The following THSD4 variants were observed in gnomAD, a reference collection of about 807,000 sequenced individuals.
THSD4 encodes the protein thrombospondin type-1 domain-containing protein 4.
THSD4 carries 69 observed loss-of-function variants against 119.0 expected under a neutral mutation model. The ratio of observed to expected loss-of-function variants is 0.58; its 90% CI spans 0.48 to 0.71. The LOEUF is 0.71. Among genes scored for constraint, THSD4 ranks in the 30% least tolerant of loss-of-function variants. The pLI is 0.00. For synonymous variants in THSD4, 524 were observed against 540.4 expected, an observed-to-expected ratio of 0.97 and a Z score of 0.42; for missense variants, 1,393 against 1,391.1, an observed-to-expected ratio of 1.00 and a Z score of -0.02.
chr15:71,616,638 C>A (rs537286688), intron 7 of THSD4, among the ~76,000 whole-genome samples: 38 of 152,266 alleles, frequency 2.5e-4, no homozygotes, highest in Admixed American at 2.2e-3. Flanking sequence ...TAGTAAGGGG[C>A]CTGAATTCAA....
intron 6 of THSD4, among the ~76,000 whole-genome samples, chr15:71,379,959 G>A (rs2046206735): frequency 6.6e-6 from 1 of 152,064 alleles, no homozygotes. Flanking sequence ...ACACAAAAAG[G>A]GGAGTGAGAT....
chr15:71,661,402 T>A (rs1375681994), intron 8 of THSD4, among the ~76,000 whole-genome samples: 7 of 111,858 alleles, frequency 6.3e-5, no homozygotes, highest in African/African-American at 3.6e-5. Flanking sequence ...TATTTATTTA[T>A]TTTTTTTTTT....
intron 1 of THSD4, among the ~76,000 whole-genome samples, chr15:71,124,246 A>G (rs774663386): frequency 4.0e-4 from 61 of 152,350 alleles, no homozygotes; most frequent in Non-Finnish European, 8.1e-4. Flanking sequence ...GCCATAGACA[A>G]TAGATAAATG....
At chr15:71,196,970 C>T (rs1475580984) in intron 3 of THSD4, among the ~76,000 whole-genome samples, 3 of 152,174 alleles carry the variant, frequency 2.0e-5, no homozygotes, top group Non-Finnish European at 4.4e-5. Flanking sequence ...GGTGGAAGGA[C>T]TCATTCAACC....
chr15:71,216,922 G>A (rs965044679), intron 4 of THSD4, among the ~76,000 whole-genome samples: 3 of 152,170 alleles, frequency 2.0e-5, no homozygotes, highest in Admixed American at 6.5e-5. Flanking sequence ...TCAGCCTCCC[G>A]AGCAGCTGGG....
At chr15:71,625,953 A>T (rs2050501201) in intron 7 of THSD4, among the ~76,000 whole-genome samples, 1 of 152,210 alleles carries the variant, frequency 6.6e-6, no homozygotes, top group South Asian at 2.1e-4. Flanking sequence ...GGTAAATCAA[A>T]TATGGTTTTG....
rs191009409 is a variant in THSD4, at chr15:71,706,853, G to C, written c.1358-21696G>C. Among the ~76,000 whole-genome samples the C allele has an allele frequency of 7.2e-5, 11 of 152,284 alleles. No individual in the cohort carries two copies. The East Asian group carries it at 1.9e-3, about 27-fold the overall frequency. On this transcript the variant is annotated intron_variant, in intron 8 of 17. Transcript: ENST00000261862. ...GTTTGACACTGAAGAGGAGGAGGAG[G>C]ATTAAGGGGTGCCAGAACTGAGGCA...
intron 6 of THSD4, among the ~76,000 whole-genome samples, chr15:71,325,383 A>G (rs1045604547): frequency 6.6e-6 from 1 of 152,144 alleles, no homozygotes; most frequent in Admixed American, 6.5e-5. Context: ...CCCAGTGCCA[A>G]CCAGTCCTGA....
At chr15:71,384,523 G>T (rs929786385) in intron 6 of THSD4, among the ~76,000 whole-genome samples, 1 of 152,188 alleles carries the variant, frequency 6.6e-6, no homozygotes, top group Admixed American at 6.5e-5. Flanking sequence ...TCTGGATGAG[G>T]TAAGTAGCTA....
chr15:71,608,241 T>A lies in THSD4; in HGVS notation c.1153-52289T>A, dbSNP rs1228505528. Among the ~76,000 whole-genome samples, 209 of 80,280 alleles carry A rather than the reference T, an allele frequency of 2.6e-3. 3 individuals carry two copies. Among genetic ancestry groups the A allele is most frequent in the African/African-American group, 6.1e-3 (157 of 25,870 alleles). The allele number at this position is 80,280 out of a possible 152,430, so 52.7% of individuals were successfully genotyped here. A position where few individuals can be genotyped will look rare whatever the true frequency, so the allele number is the denominator to read the frequency against. ...CTGTCTCAAAAAAAAAAAAAAAATATATATATATACACACACACACACACA... is the reference window on the plus strand; with the variant it reads ...CTGTCTCAAAAAAAAAAAAAAAATAAATATATATACACACACACACACACA... On this transcript the variant is annotated intron_variant, in intron 7 of 17. Coordinates refer to ENST00000261862, the MANE Select transcript of THSD4 (RefSeq NM_024817.3).
intron 7 of THSD4, among the ~76,000 whole-genome samples, chr15:71,625,789 C>G (rs1264746626): frequency 6.6e-6 from 1 of 152,136 alleles, no homozygotes; most frequent in Non-Finnish European, 1.5e-5. Context: ...TCAGGGAGCT[C>G]ACAATTCCAG....
chr15:71,144,891 A>C (rs1239266357), intron 2 of THSD4, among the ~76,000 whole-genome samples: 1 of 152,230 alleles, frequency 6.6e-6, no homozygotes, highest in African/African-American at 2.4e-5. Flanking sequence ...CATGTGGACC[A>C]AAGTGTAGGC....
rs8038257 is a variant in THSD4, at chr15:71,300,348, C to G, written c.1015+43633C>G. The stretch of plus-strand genomic sequence containing the variant: ...AAAGGCCCCCTTATCAGAGGACTTG[C>G]AACCATTTACAGAGCCCTCCTTGGA... On this transcript the variant is annotated intron_variant, in intron 6 of 17. Transcript: ENST00000261862. Among the ~76,000 whole-genome samples, 25 of 151,846 alleles carry G rather than the reference C, an allele frequency of 1.6e-4. No homozygotes were observed. In the South Asian group the frequency reaches 5.2e-3, roughly 32 times the overall value.
rs543744711 is a variant in THSD4 at position 71,445,148 on chromosome 15, A to T, written c.1152+33325A>T. On this transcript the variant is annotated intron_variant, in intron 7 of 17. Transcript: ENST00000261862. ...GGCAAATAGCTGTTCACCTGGCAAG[A>T]CACAGCTTCGGTGTCATTTCTTCTA... Among the ~76,000 whole-genome samples the T allele has an allele frequency of 2.0e-5, 3 of 152,312 alleles. No individual in the cohort carries two copies. In the East Asian group the frequency reaches 5.8e-4, roughly 29 times the overall value.
Position 71,160,982 on chromosome 15 carries a change from TAAAA to T in THSD4, c.99+6051_99+6054del, listed in dbSNP as rs1325924672. On this transcript the variant is annotated intron_variant, in intron 3 of 17. Transcript: ENST00000261862. ...CTATTCTTGCTTGTCTCAAGGAAAT[TAAAA>T]TTTCCCTTTTAATTTCTTCATCAAC... Among the ~76,000 whole-genome samples the T allele has an allele frequency of 1.4e-4, 21 of 152,192 alleles. 1 individual carries two copies. In the South Asian group the frequency reaches 1.9e-3, roughly 13 times the overall value.
chr15:71,363,791 C>T (rs912787726), intron 6 of THSD4, among the ~76,000 whole-genome samples: 6 of 152,048 alleles, frequency 3.9e-5, no homozygotes, highest in Non-Finnish European at 8.8e-5. Context: ...TCTCTGCTGA[C>T]AAAATTCATT....
At chr15:71,442,662 A>ATGTATGTATGTATATG (rs1293956011) in intron 7 of THSD4, among the ~76,000 whole-genome samples, 2 of 36,046 alleles carry the variant, frequency 5.5e-5, no homozygotes, top group African/African-American at 1.8e-4. Context: ...GTGTGTGTGT[A>ATGTATGTATGTATATG]TATATATATA....
intron 7 of THSD4, among the ~76,000 whole-genome samples, chr15:71,616,167 A>AG (rs71281965): frequency 0.035 from 5,305 of 152,338 alleles, 136 homozygotes; most frequent in Middle Eastern, 0.075. Flanking sequence ...CCTTAAAAAA[A>AG]AATCTGTTGA....
At chr15:71,168,036 C>T (rs568887508) in intron 3 of THSD4, among the ~76,000 whole-genome samples, 4 of 152,288 alleles carry the variant, frequency 2.6e-5, no homozygotes, top group African/African-American at 7.2e-5. Context: ...GCCCAGAAGT[C>T]GTCCTCATGT....
Sources: allele counts gnomAD v4.1 joint callset (sites outside exome capture counted in the v4.1 genomes callset), GRCh38; gene constraint gnomAD v4.1.1; transcripts MANE v1.5; gene names NCBI Gene and HGNC (gene_info 2026-07-23, HGNC 2026-07-21).